FRMD4A: variants seen among roughly 807,000 people sequenced by gnomAD.
The protein encoded by FRMD4A is FERM domain containing 4A.
FRMD4A carries 29 observed loss-of-function variants against 129.1 expected under a neutral mutation model. That is an observed-to-expected ratio of 0.22 (90% CI 0.17 to 0.31). The LOEUF (loss-of-function observed/expected upper bound fraction) is 0.31, where lower values mean the gene tolerates loss of function less well. Ranked by LOEUF, FRMD4A falls within the 10% of genes least tolerant of loss-of-function variation. The pLI is 1.00. For synonymous variants in FRMD4A, 634 were observed against 571.6 expected (o/e 1.11, Z -1.56); for missense variants, 1,272 against 1,375.8 (o/e 0.92, Z 1.19).
chr10:13,675,136 T>C (rs1336824335), intron 15 of FRMD4A, 92 bp from the exon 16 acceptor site: 2 of 1,183,790 alleles, frequency 1.7e-6, no homozygotes, highest in Non-Finnish European at 2.5e-6. Context: ...GCTGCGGAGA[T>C]GGGATTTACC....
intron 2 of FRMD4A, among the ~76,000 whole-genome samples, chr10:14,109,929 A>T (rs1588994780): frequency 1.3e-5 from 2 of 150,304 alleles, no homozygotes; most frequent in East Asian, 3.9e-4. Flanking sequence ...CAAGATCACG[A>T]CACTGCACTC....
At chr10:13,919,186 A>C (rs916610301) in intron 2 of FRMD4A, among the ~76,000 whole-genome samples, 6 of 152,242 alleles carry the variant, frequency 3.9e-5, no homozygotes, top group African/African-American at 7.2e-5. Context: ...GTCTCTTAGC[A>C]GAAAAGGTTA....
intron 3 of FRMD4A, among the ~76,000 whole-genome samples, chr10:13,828,502 A>G (rs991944127): frequency 6.6e-6 from 1 of 150,558 alleles, no homozygotes; most frequent in Non-Finnish European, 1.5e-5. Flanking sequence ...ATTCCATTGT[A>G]TATGTATACC....
chr10:14,217,053 A>G (rs1843097126), intron 2 of FRMD4A, among the ~76,000 whole-genome samples: 1 of 152,222 alleles, frequency 6.6e-6, no homozygotes, highest in Non-Finnish European at 1.5e-5. Context: ...CATGGCCTCC[A>G]TGGGACTGAC....
chr10:13,994,380 T>C (rs1288227561), intron 2 of FRMD4A, among the ~76,000 whole-genome samples: 1 of 152,010 alleles, frequency 6.6e-6, no homozygotes, highest in Admixed American at 6.6e-5. Flanking sequence ...GGTTTCACCA[T>C]GTTGGCCAGG....
chr10:14,224,166 A>G (rs1000766646), intron 2 of FRMD4A, among the ~76,000 whole-genome samples: 1 of 152,130 alleles, frequency 6.6e-6, no homozygotes, highest in African/African-American at 2.4e-5. Flanking sequence ...TGCCAAAAGA[A>G]AAAAAAAGTG....
intron 2 of FRMD4A, among the ~76,000 whole-genome samples, chr10:13,860,147 C>G (rs1423028679): frequency 6.6e-6 from 1 of 152,200 alleles, no homozygotes; most frequent in African/African-American, 2.4e-5. Flanking sequence ...CATAAACTGT[C>G]TTGCTGCACT....
chr10:14,105,637 C>CTAAT (rs373839481), intron 2 of FRMD4A, among the ~76,000 whole-genome samples: 1 of 152,182 alleles, frequency 6.6e-6, no homozygotes, highest in African/African-American at 2.4e-5. Flanking sequence ...TTAGACTTTC[C>CTAAT]TAATTGTGTG....
chr10:13,804,568 G>A (rs1345001672), intron 4 of FRMD4A, among the ~76,000 whole-genome samples: 3 of 131,606 alleles, frequency 2.3e-5, no homozygotes, highest in African/African-American at 9.5e-5. Context: ...TTGTTGAGAC[G>A]GAGTCTCGCT....
intron 2 of FRMD4A, among the ~76,000 whole-genome samples, chr10:14,246,022 A>C (rs996535278): frequency 6.6e-6 from 1 of 152,126 alleles, no homozygotes; most frequent in Admixed American, 6.5e-5. Context: ...TGCCATCATC[A>C]TTCCAAAAAC....
intron 2 of FRMD4A, among the ~76,000 whole-genome samples, chr10:13,977,447 A>G (rs1565148619): frequency 6.6e-6 from 1 of 152,200 alleles, no homozygotes; most frequent in Non-Finnish European, 1.5e-5. Flanking sequence ...CTTTAAATGA[A>G]GGTGGCCTAT....
intron 3 of FRMD4A, among the ~76,000 whole-genome samples, chr10:13,812,708 T>C (rs2093470406): frequency 6.6e-6 from 1 of 152,192 alleles, no homozygotes; most frequent in African/African-American, 2.4e-5. Flanking sequence ...TGACCATCAA[T>C]TCACTGATGA....
intron 24 of FRMD4A, chr10:13,649,439 T>A (rs1473214954): frequency 1.6e-5 from 2 of 127,270 alleles, no homozygotes; most frequent in African/African-American, 5.4e-5. Context: ...ATCGGGAGGA[T>A]CTGGATGATG....
intron 3 of FRMD4A, among the ~76,000 whole-genome samples, chr10:13,841,138 G>A (rs1291598768): frequency 6.6e-6 from 1 of 152,048 alleles, no homozygotes; most frequent in Non-Finnish European, 1.5e-5. Context: ...TTAAAAAGTG[G>A]TCTAATGTTA....
chr10:13,731,552 G>A (rs1185096401), intron 12 of FRMD4A, among the ~76,000 whole-genome samples: 1 of 151,184 alleles, frequency 6.6e-6, no homozygotes, highest in Non-Finnish European at 1.5e-5. Context: ...GGGAGGCTGA[G>A]GCAGAAGAAT....
At chr10:14,321,240 A>G (rs1218431) in intron 2 of FRMD4A, among the ~76,000 whole-genome samples, 81,225 of 151,300 alleles carry the variant, frequency 0.54, 22,054 homozygotes, top group Non-Finnish European at 0.59. Context: ...GAAATACTCT[A>G]TACTTATGAG....
intron 2 of FRMD4A, among the ~76,000 whole-genome samples, chr10:14,016,592 C>A (rs1349820410): frequency 1.3e-5 from 2 of 152,194 alleles, no homozygotes; most frequent in African/African-American, 2.4e-5. Flanking sequence ...TCTTCTTGAA[C>A]CTTTGAGAGC....
At chr10:13,856,391 C>T (rs1261171927) in intron 3 of FRMD4A, among the ~76,000 whole-genome samples, 1 of 151,998 alleles carries the variant, frequency 6.6e-6, no homozygotes, top group Admixed American at 6.6e-5. Context: ...ATGTGCCTGA[C>T]CCTGGGCTAG....
intron 2 of FRMD4A, among the ~76,000 whole-genome samples, chr10:14,000,196 T>C (rs538135427): frequency 9.2e-5 from 14 of 152,348 alleles, no homozygotes; most frequent in African/African-American, 2.9e-4. Context: ...GTAGGATAGA[T>C]AATATTATCC....
Sources: allele counts gnomAD v4.1 joint callset (sites outside exome capture counted in the v4.1 genomes callset), GRCh38; gene constraint gnomAD v4.1.1; transcripts MANE v1.5; gene names NCBI Gene and HGNC (gene_info 2026-07-23, HGNC 2026-07-21).